The following RNF145 variants were observed in gnomAD, a reference collection of about 807,000 sequenced individuals.
RNF145 encodes the protein ring finger protein 145.
Under a neutral mutation model 57.3 loss-of-function variants are expected in RNF145, and 12 were observed. That is an observed-to-expected ratio of 0.21 (90% CI 0.13 to 0.34). The LOEUF (loss-of-function observed/expected upper bound fraction) is 0.34, where lower values mean the gene tolerates loss of function less well. RNF145 is among the 10% of genes least tolerant of loss of function. The pLI, the probability that RNF145 is intolerant of heterozygous loss-of-function variation, is 1.00. For missense variants in RNF145, 429 were observed against 799.0 expected (o/e 0.54, Z 5.58); for synonymous variants, 262 against 288.3 (o/e 0.91, Z 0.92).
intron 1 of RNF145, chr5:159,207,428 C>T (rs1313819159): frequency 8.1e-7 from 1 of 1,229,658 alleles, no homozygotes; most frequent in Admixed American, 2.0e-5. Flanking sequence ...CAGTACAATA[C>T]TTCTACACCT....
upstream of RNF145, chr5:159,209,775 G>T: frequency 1.4e-6 from 2 of 1,396,360 alleles, no homozygotes; most frequent in Non-Finnish European, 2.0e-6. Context: ...GACGCGCACT[G>T]TGACAGGCGC....
intron 3 of RNF145, among the ~76,000 whole-genome samples, chr5:159,184,543 A>C (rs909675537): frequency 6.6e-6 from 1 of 152,222 alleles, no homozygotes; most frequent in African/African-American, 2.4e-5. Context: ...AAAATACAGA[A>C]TGCTGTGAGG....
rs575804219 is a variant in RNF145 at position 159,181,108 on chromosome 5, G to A, written c.385+852C>T. 2.2e-4 allele frequency among the ~76,000 whole-genome samples: 32 copies of A among 144,668 alleles called. No individual in the cohort carries two copies. In the East Asian group the frequency reaches 3.3e-3, roughly 15 times the overall value. The allele number at this position is 144,668 out of a possible 152,430, so 94.9% of individuals were successfully genotyped here. On this transcript the variant is annotated intron_variant, in intron 4 of 10. Transcript: ENST00000424310. ...TAAAAAATGTTTTCCCAGCCTGGGC[G>A]ACAGAGCAAGACTCTGTCTCAAAAA... is the stretch of plus-strand genomic sequence containing the variant.
intron 5 of RNF145, among the ~76,000 whole-genome samples, chr5:159,175,666 T>C (rs1784698286): frequency 6.6e-6 from 1 of 152,168 alleles, no homozygotes; most frequent in African/African-American, 2.4e-5. Context: ...CTGGAAGATC[T>C]ACTCCTGGGA....
At chr5:159,180,244 C>T (rs549218060) in intron 4 of RNF145, among the ~76,000 whole-genome samples, 9 of 152,124 alleles carry the variant, frequency 5.9e-5, no homozygotes, top group Non-Finnish European at 1.2e-4. Context: ...CTTCTGAAAC[C>T]GTTCCTATCA....
At chr5:159,163,167 G>T in intron 8 of RNF145, 88 bp from the exon 9 acceptor site, 1 of 1,264,508 alleles carries the variant, frequency 7.9e-7, no homozygotes, top group South Asian at 1.5e-5. Context: ...CTGGTGCCAT[G>T]ATCAAATTTC....
At chr5:159,161,690 A>C in intron 9 of RNF145, 68 bp from the exon 10 acceptor site, 1 of 882,388 alleles carries the variant, frequency 1.1e-6, no homozygotes, top group Non-Finnish European at 1.8e-6. Context: ...CATAGGCTTT[A>C]AACAATAACA....
At chr5:159,187,540 G>A (rs1351918436) in intron 3 of RNF145, among the ~76,000 whole-genome samples, 1 of 152,018 alleles carries the variant, frequency 6.6e-6, no homozygotes, top group Non-Finnish European at 1.5e-5. Flanking sequence ...TGTTGGCCAG[G>A]CTGGTCTCGA....
intron 8 of RNF145, among the ~76,000 whole-genome samples, chr5:159,165,182 T>C (rs1330406871): frequency 6.6e-6 from 1 of 152,160 alleles, no homozygotes; most frequent in Non-Finnish European, 1.5e-5. Flanking sequence ...ACTTCCCACA[T>C]ACAGGTGAAG....
intron 10 of RNF145, among the ~76,000 whole-genome samples, chr5:159,160,591 A>G (rs1784183068): frequency 6.6e-6 from 1 of 152,192 alleles, no homozygotes; most frequent in African/African-American, 2.4e-5. Flanking sequence ...GGCCTCTTGC[A>G]CAGGTGATTG....
chr5:159,176,499 A>T, intron 5 of RNF145, 133 bp downstream of exon 5: 1 of 613,564 alleles, frequency 1.6e-6, no homozygotes, highest in Non-Finnish European at 2.9e-6. Context: ...AATTGGGCTG[A>T]AAATAGCAGC....
intron 3 of RNF145, among the ~76,000 whole-genome samples, chr5:159,188,904 T>C (rs1017664966): frequency 1.3e-5 from 2 of 152,206 alleles, no homozygotes; most frequent in African/African-American, 4.8e-5. Context: ...TTTGCAAATG[T>C]CTTTTTCTAT....
At chr5:159,166,665 C>T (rs966733676) in intron 8 of RNF145, among the ~76,000 whole-genome samples, 4 of 152,200 alleles carry the variant, frequency 2.6e-5, no homozygotes, top group Admixed American at 1.3e-4. Context: ...AGTCTGTGGT[C>T]TCTATTCCAC....
At chr5:159,196,144 C>A (rs1009638743) in intron 2 of RNF145, among the ~76,000 whole-genome samples, 1 of 152,172 alleles carries the variant, frequency 6.6e-6, no homozygotes, top group African/African-American at 2.4e-5. Flanking sequence ...GCTTGTCCAA[C>A]CCACGGCCCA....
At chr5:159,195,099 C>A (rs1027954524) in intron 2 of RNF145, among the ~76,000 whole-genome samples, 1 of 152,128 alleles carries the variant, frequency 6.6e-6, no homozygotes, top group Non-Finnish European at 1.5e-5. Context: ...CTTCATCTAC[C>A]TTTCCTTGAT....
intron 1 of RNF145, chr5:159,207,951 T>C (rs1785958063): frequency 6.9e-6 from 11 of 1,602,308 alleles, no homozygotes; most frequent in African/African-American, 2.7e-5. Flanking sequence ...CTTTTGGGCA[T>C]GATTCAAGAT....
At chr5:159,181,730 A>G (rs1784899799) in intron 4 of RNF145, among the ~76,000 whole-genome samples, 1 of 151,848 alleles carries the variant, frequency 6.6e-6, no homozygotes, top group South Asian at 2.1e-4. Flanking sequence ...CCTTAAAAAA[A>G]CACAAGCAAC....
chr5:159,207,515 A>T lies in RNF145; in HGVS notation c.-40+1716T>A, dbSNP rs76852406. ...TTCTCCCAACCAGTTAAAAAAAAAA[A>T]TTCTACCATCAACTAAAACTGATCT... On this transcript the variant is annotated intron_variant, in intron 1 of 10. Coordinates refer to ENST00000424310, the MANE Select transcript of RNF145 (RefSeq NM_001199383.2). 4.5e-6 allele frequency: 7 copies of T among 1,544,852 alleles called. No individual in the cohort carries two copies. The African/African-American group carries it at 9.6e-5, about 21-fold the overall frequency.
chr5:159,209,552 G>T lies in RNF145; in HGVS notation c.-361C>A. 1.0e-6 allele frequency: 1 copy of T among 986,092 alleles called. No homozygotes were observed. The allele number at this position is 986,092 out of a possible 1,614,324, so 61.1% of individuals were successfully genotyped here. A position where few individuals can be genotyped will look rare whatever the true frequency, so the allele number is the denominator to read the frequency against. On this transcript the variant is annotated 5_prime_UTR_variant, in exon 1 of 11. Coordinates refer to ENST00000424310, the MANE Select transcript of RNF145 (RefSeq NM_001199383.2). ...TTGCTCCTCCCGCCCCCGGCGCTCT[G>T]CGGCGGCCGCGGCCCGACTTCCGCA...
Sources: allele counts gnomAD v4.1 joint callset (sites outside exome capture counted in the v4.1 genomes callset), GRCh38; gene constraint gnomAD v4.1.1; transcripts MANE v1.5; gene names NCBI Gene and HGNC (gene_info 2026-07-23, HGNC 2026-07-21).